Variants in HS3ST3A1 observed in about 807,000 individuals in gnomAD.
HS3ST3A1 encodes heparan sulfate glucosamine 3-O-sulfotransferase 3A1.
Under a neutral mutation model 25.7 loss-of-function variants are expected in HS3ST3A1, and 19 were observed. That is an observed-to-expected ratio of 0.74 (90% CI 0.52 to 1.08). The LOEUF (loss-of-function observed/expected upper bound fraction) is 1.08, where lower values mean the gene tolerates loss of function less well. HS3ST3A1 is among the 50% of genes least tolerant of loss of function. HS3ST3A1 has a pLI of 0.00. For missense variants in HS3ST3A1, 459 were observed against 594.3 expected, an observed-to-expected ratio of 0.77 and a Z score of 2.37; for synonymous variants, 226 against 278.6, an observed-to-expected ratio of 0.81 and a Z score of 1.88.
intron 1 of HS3ST3A1, among the ~76,000 whole-genome samples, chr17:13,547,408 A>G (rs1378713005): frequency 1.3e-5 from 2 of 152,168 alleles, no homozygotes; most frequent in African/African-American, 4.8e-5. Flanking sequence ...GCCTCACCCT[A>G]CAACCTCCAT....
chr17:13,563,117 T>A (rs7221479), intron 1 of HS3ST3A1, among the ~76,000 whole-genome samples: 4,439 of 151,208 alleles, frequency 0.029, 207 homozygotes, highest in African/African-American at 0.1. Flanking sequence ...GAGAAGAGAA[T>A]CACTTTATCT....
intron 1 of HS3ST3A1, among the ~76,000 whole-genome samples, chr17:13,565,329 C>T (rs1453619238): frequency 3.3e-5 from 5 of 152,006 alleles, no homozygotes; most frequent in Non-Finnish European, 4.4e-5. Context: ...CCCAGGAGTT[C>T]GAGACAAGCT....
At chr17:13,500,757 T>C (rs967491309) in intron 1 of HS3ST3A1, among the ~76,000 whole-genome samples, 2 of 152,198 alleles carry the variant, frequency 1.3e-5, no homozygotes, top group Non-Finnish European at 2.9e-5. Context: ...GAGGCAAAGA[T>C]AAGCAGAAAT....
At position 13,585,584 on chromosome 17, in the gene HS3ST3A1, C is replaced by T. The variant is rs116392519; in HGVS notation, c.599+14947G>A. ...AGTTCACACTAAACATTTCTGCATG[C>T]ATGGTATAGACTACAGAAATTCTCC... On this transcript the variant is annotated intron_variant, in intron 1 of 1. Transcript: ENST00000284110. Among the ~76,000 whole-genome samples the T allele has an allele frequency of 3.3e-3, 497 of 151,758 alleles. 3 individuals are homozygous for T. Among genetic ancestry groups the T allele is most frequent in the African/African-American group, 0.011 (468 of 41,396 alleles).
rs986987279 is a variant in HS3ST3A1 at position 13,563,060 on chromosome 17, G to T, written c.599+37471C>A. 1.2e-4 allele frequency among the ~76,000 whole-genome samples: 18 copies of T among 151,146 alleles called. No individual in the cohort carries two copies. The East Asian group carries it at 3.5e-3, about 29-fold the overall frequency. ...GATTCTTGAAGGTCCACGATAAGTG[G>T]GAAAAATACATACCTGTTATCTTGT... On this transcript the variant is annotated intron_variant, in intron 1 of 1. Coordinates refer to ENST00000284110, the MANE Select transcript of HS3ST3A1 (RefSeq NM_006042.3).
chr17:13,529,055 C>T (rs1415865744), intron 1 of HS3ST3A1, among the ~76,000 whole-genome samples: 1 of 152,052 alleles, frequency 6.6e-6, no homozygotes, highest in East Asian at 1.9e-4. Context: ...AAATGGTAGT[C>T]CTGGGAGAAG....
At chr17:13,516,614 C>A (rs1490069600) in intron 1 of HS3ST3A1, among the ~76,000 whole-genome samples, 2 of 152,188 alleles carry the variant, frequency 1.3e-5, no homozygotes, top group African/African-American at 2.4e-5. Context: ...ATTATTTCAA[C>A]ATACTTTAAT....
intron 1 of HS3ST3A1, among the ~76,000 whole-genome samples, chr17:13,566,171 T>G (rs1907670514): frequency 1.3e-5 from 2 of 152,232 alleles, no homozygotes. Context: ...CATGCTCACA[T>G]GCTGTGTCTC....
In HS3ST3A1 at chr17:13,601,102, G is replaced by A; in HGVS notation, c.28C>T (p.Leu10Phe). The A allele has an allele frequency of 6.3e-7, 1 of 1,586,760 alleles. No homozygotes were observed. Among genetic ancestry groups the A allele is most frequent in the Non-Finnish European group, 8.6e-7 (1 of 1,168,156 alleles). ...GACAGCGGCTCGGCCGAGGTGGAGA[G>A]GGCACTGGCCGGGCCCGGAGGGGCC... MAPPGPASA[L>F]STSAEPLSRS... Residue 10 changes from leucine (L) to phenylalanine (F), a missense_variant, in exon 1 of 2, where the codon CTC (leucine) becomes TTC (phenylalanine). Physicochemically the swap from Leu to Phe is conservative, Grantham distance 22 (BLOSUM62 0). Transcript: ENST00000284110.
Position 13,503,669 on chromosome 17 carries a change from T to C in HS3ST3A1, c.600-6851A>G, listed in dbSNP as rs561501786. 2.6e-5 allele frequency among the ~76,000 whole-genome samples: 4 copies of C among 152,266 alleles called. No individual in the cohort carries two copies. In the South Asian group the frequency reaches 8.3e-4, roughly 32 times the overall value. The stretch of plus-strand genomic sequence containing the variant: ...CAGGAAAATGTAAATTAAAACACAA[T>C]ACCATACTATGACACACCCACTGGT... On this transcript the variant is annotated intron_variant, in intron 1 of 1. Transcript: ENST00000284110.
At chr17:13,541,185 G>A (rs1445371001) in intron 1 of HS3ST3A1, among the ~76,000 whole-genome samples, 1 of 152,086 alleles carries the variant, frequency 6.6e-6, no homozygotes, top group Non-Finnish European at 1.5e-5. Context: ...CTGCTAAAGA[G>A]GCTAAGACTA....
At position 13,600,568 on chromosome 17, in the gene HS3ST3A1, A is replaced by G. The variant is rs1378243663; in HGVS notation, c.562T>C (p.Phe188Leu). 6.2e-6 allele frequency: 10 copies of G among 1,602,266 alleles called. No individual in the cohort carries two copies. Among genetic ancestry groups the G allele is most frequent in the Non-Finnish European group, 8.5e-6 (10 of 1,178,556 alleles). ...VRAVGAEPHF[F>L]DRSYDKGLAW... ...AGGCCCTTGTCGTAGCTGCGGTCGA[A>G]GAAGTGGGGCTCGGCGCCCACGGCG... Residue 188 changes from phenylalanine (F) to leucine (L), a missense_variant, in exon 1 of 2, where the codon TTC becomes CTC. Phe to Leu is a conservative substitution (Grantham distance 22). This residue lies in a region of HS3ST3A1 where 346 missense variants were observed against 303.9 expected (regional missense o/e 1.14). Coordinates refer to ENST00000284110, the MANE Select transcript of HS3ST3A1 (RefSeq NM_006042.3).
rs1034776596 is a variant in HS3ST3A1 at position 13,526,477 on chromosome 17, TA to T, written c.600-29660del. ...AACTTGGATACAACTTTAATTTTTATATATATATATATATATATATATATAT... is the reference window on the plus strand; with the variant it reads ...AACTTGGATACAACTTTAATTTTTATTATATATATATATATATATATATAT... On this transcript the variant is annotated intron_variant, in intron 1 of 1. Coordinates refer to ENST00000284110, the MANE Select transcript of HS3ST3A1 (RefSeq NM_006042.3). Among the ~76,000 whole-genome samples the T allele has an allele frequency of 3.7e-4, 13 of 35,224 alleles. No homozygotes were observed. In the South Asian group the frequency reaches 8.5e-3, roughly 23 times the overall value. The allele number at this position is 35,224 out of a possible 152,430, so 23.1% of individuals were successfully genotyped here. A position where few individuals can be genotyped will look rare whatever the true frequency, so the allele number is the denominator to read the frequency against.
At chr17:13,522,580 A>G (rs2142320460) in intron 1 of HS3ST3A1, among the ~76,000 whole-genome samples, 1 of 152,252 alleles carries the variant, frequency 6.6e-6, no homozygotes, top group Middle Eastern at 3.4e-3. Context: ...CAATCTTGCC[A>G]TCTCTGGGCT....
chr17:13,566,513 G>T (rs1907679206), intron 1 of HS3ST3A1, among the ~76,000 whole-genome samples: 1 of 152,210 alleles, frequency 6.6e-6, no homozygotes, highest in South Asian at 2.1e-4. Context: ...TCAAAAGCCA[G>T]AAATGATTAA....
intron 1 of HS3ST3A1, among the ~76,000 whole-genome samples, chr17:13,595,674 C>T (rs1165705913): frequency 6.6e-6 from 1 of 152,118 alleles, no homozygotes; most frequent in Non-Finnish European, 1.5e-5. Flanking sequence ...AAACCCATAC[C>T]AAGAAACGAT....
At chr17:13,594,829 C>G (rs1016395174) in intron 1 of HS3ST3A1, among the ~76,000 whole-genome samples, 1 of 149,578 alleles carries the variant, frequency 6.7e-6, no homozygotes, top group Non-Finnish European at 1.5e-5. Flanking sequence ...TAAGTGCTAC[C>G]TAAACACAAG....
rs139244818 is a variant in HS3ST3A1, at chr17:13,579,133, A to T, written c.599+21398T>A. Among the ~76,000 whole-genome samples the T allele has an allele frequency of 3.9e-3, 593 of 152,306 alleles. 4 individuals are homozygous for T. Among genetic ancestry groups the T allele is most frequent in the African/African-American group, 0.014 (570 of 41,568 alleles). On this transcript the variant is annotated intron_variant, in intron 1 of 1. Coordinates refer to ENST00000284110, the MANE Select transcript of HS3ST3A1 (RefSeq NM_006042.3). ...AATTTTTTGTCTTTGTTGTTTCAGC[A>T]TCATAAAGATGTGGAAACTCTACCA... is the stretch of plus-strand genomic sequence containing the variant.
At chr17:13,548,032 A>T in intron 1 of HS3ST3A1, among the ~76,000 whole-genome samples, 1 of 151,842 alleles carries the variant, frequency 6.6e-6, no homozygotes, top group East Asian at 1.9e-4. Context: ...TAAATATACT[A>T]ACCAAGTCTA....
Sources: allele counts gnomAD v4.1 joint callset (sites outside exome capture counted in the v4.1 genomes callset), GRCh38; gene constraint gnomAD v4.1.1; regional missense constraint gnomAD v4.1.1; transcripts MANE v1.5; gene names NCBI Gene and HGNC (gene_info 2026-07-23, HGNC 2026-07-21).